The following KIAA0586 variants were observed in gnomAD, a reference collection of about 807,000 sequenced individuals.
KIAA0586 encodes KIAA0586, also known as protein TALPID3.
A neutral mutation model predicts 169.8 loss-of-function variants in KIAA0586; 144 were observed. That is an observed-to-expected ratio of 0.85 (90% CI 0.74 to 0.97). KIAA0586 has a LOEUF of 0.97. Among genes scored for constraint, KIAA0586 ranks in the 50% least tolerant of loss-of-function variants. The pLI, the probability that KIAA0586 is intolerant of heterozygous loss-of-function variation, is 0.00. For missense variants in KIAA0586, 1,854 were observed against 1,823.0 expected, an observed-to-expected ratio of 1.02 and a Z score of -0.31; for synonymous variants, 625 against 612.4, an observed-to-expected ratio of 1.02 and a Z score of -0.30.
chr14:58,554,216 T>C (rs1384104097), downstream of KIAA0586, among the ~76,000 whole-genome samples: 1 of 152,080 alleles, frequency 6.6e-6, no homozygotes, highest in African/African-American at 2.4e-5. Context: ...CTAAGTCATA[T>C]GTCCAAGCCC....
intron 28 of KIAA0586, 149 bp from the exon 29 acceptor site, chr14:58,512,373 T>C: frequency 3.8e-6 from 2 of 525,590 alleles, no homozygotes; most frequent in Non-Finnish European, 6.7e-6. Flanking sequence ...TATTTATTGG[T>C]AGAAGTGCGA....
intron 29 of KIAA0586, among the ~76,000 whole-genome samples, chr14:58,519,300 G>T (rs1017384795): frequency 3.9e-5 from 6 of 152,084 alleles, no homozygotes; most frequent in Non-Finnish European, 8.8e-5. Flanking sequence ...TGGAGAGCAG[G>T]GGTATGATAG....
chr14:58,561,550 A>G, the KIAA0586 span, among the ~76,000 whole-genome samples: 1 of 152,208 alleles, frequency 6.6e-6, no homozygotes, highest in Non-Finnish European at 1.5e-5. Context: ...CTTTATTAAC[A>G]TACTTTCTTT....
downstream of KIAA0586, among the ~76,000 whole-genome samples, chr14:58,553,552 AT>A (rs1253979053): frequency 8.3e-6 from 1 of 120,276 alleles, no homozygotes; most frequent in Non-Finnish European, 1.7e-5. Flanking sequence ...TTTTTTTTTC[AT>A]TGTCTTGGGT....
At chr14:58,486,399 T>C (rs1820073654) in intron 21 of KIAA0586, among the ~76,000 whole-genome samples, 1 of 152,176 alleles carries the variant, frequency 6.6e-6, no homozygotes, top group African/African-American at 2.4e-5. Context: ...TTGTGAATAG[T>C]GTGGCAATGA....
At chr14:58,449,860 A>G (rs2039209972) in intron 7 of KIAA0586, among the ~76,000 whole-genome samples, 1 of 152,212 alleles carries the variant, frequency 6.6e-6, no homozygotes, top group East Asian at 1.9e-4. Context: ...GTATATATAA[A>G]TTACAGTAAC....
chr14:58,523,009 G>A (rs2045331516), intron 29 of KIAA0586, among the ~76,000 whole-genome samples: 1 of 151,978 alleles, frequency 6.6e-6, no homozygotes, highest in African/African-American at 2.4e-5. Flanking sequence ...TTTTATTTAA[G>A]AGGTAGAATA....
chr14:58,499,558 A>G (rs1368039897), intron 27 of KIAA0586, among the ~76,000 whole-genome samples: 1 of 136,480 alleles, frequency 7.3e-6, no homozygotes, highest in African/African-American at 2.8e-5. Flanking sequence ...AGCCTATTTT[A>G]TTTTATTTTA....
At chr14:58,531,986 G>A (rs1417468277) in intron 29 of KIAA0586, among the ~76,000 whole-genome samples, 4 of 151,882 alleles carry the variant, frequency 2.6e-5, no homozygotes, top group Admixed American at 6.6e-5. Context: ...GTTGAACAAT[G>A]AGAACACTTG....
chr14:58,429,104 G>A (rs2037136725), intron 1 of KIAA0586, among the ~76,000 whole-genome samples: 1 of 152,172 alleles, frequency 6.6e-6, no homozygotes, highest in African/African-American at 2.4e-5. Flanking sequence ...ACATCCAATA[G>A]TGTATGGTTA....
intron 9 of KIAA0586, among the ~76,000 whole-genome samples, chr14:58,453,760 G>T (rs1381825597): frequency 1.3e-5 from 2 of 152,000 alleles, no homozygotes; most frequent in Non-Finnish European, 2.9e-5. Flanking sequence ...GATAGGTTAG[G>T]GGCAAGTAAG....
intron 15 of KIAA0586, 63 bp downstream of exon 15, chr14:58,466,092 G>A (rs899746845): frequency 1.6e-6 from 2 of 1,261,222 alleles, no homozygotes; most frequent in Non-Finnish European, 2.2e-6. Context: ...TTGTTTGTGT[G>A]TTTATTAGAG....
At position 58,482,813 on chromosome 14, in the gene KIAA0586, A is replaced by G. The variant is rs2042129054; in HGVS notation, c.3144+101A>G. 8.3e-6 allele frequency: 7 copies of G among 838,438 alleles called. No homozygotes were observed. In the South Asian group the frequency reaches 1.8e-4, roughly 22 times the overall value. 51.9% of individuals were successfully genotyped at this position (838,438 alleles called of 1,614,324 possible). ...TGTTTGTGGTAGAAGTATTATTATC[A>G]TTTTTAGAGACATGGTCTTTATTTA... On this transcript the variant is annotated intron_variant, in intron 21 of 30. Transcript: ENST00000652326.
chr14:58,446,868 C>T (rs554450202), intron 6 of KIAA0586, among the ~76,000 whole-genome samples: 1 of 152,114 alleles, frequency 6.6e-6, no homozygotes, highest in East Asian at 1.9e-4. Context: ...TTATAGATAA[C>T]TTTACTTCTT....
intron 30 of KIAA0586, chr14:58,543,970 A>AT (rs1158519123): frequency 2.2e-6 from 1 of 455,534 alleles, no homozygotes; most frequent in Non-Finnish European, 4.4e-6. Flanking sequence ...TCACCCAGGT[A>AT]TTAAGCCTAG....
Position 58,481,774 on chromosome 14 carries a change from A to G in KIAA0586, c.2945-739A>G, listed in dbSNP as rs1448524756. Reference sequence around the variant, plus strand: ...TTTATTCCTCTTTCCACCCTCCCCCACCCACCCCCATACACGTATATTGGC... The same window carrying G: ...TTTATTCCTCTTTCCACCCTCCCCCGCCCACCCCCATACACGTATATTGGC... On this transcript the variant is annotated intron_variant, in intron 20 of 30. Transcript: ENST00000652326. Among the ~76,000 whole-genome samples, 4 of 55,056 alleles carry G rather than the reference A, an allele frequency of 7.3e-5. 1 individual carries two copies. The highest frequency in any genetic ancestry group is 1.5e-3 in the South Asian group (2 of 1,372). The allele number at this position is 55,056 out of a possible 152,430, so 36.1% of individuals were successfully genotyped here.
chr14:58,490,272 T>G, intron 25 of KIAA0586, 32 bp downstream of exon 25: 1 of 1,226,504 alleles, frequency 8.2e-7, no homozygotes, highest in Non-Finnish European at 1.1e-6. Flanking sequence ...CACTGAATTC[T>G]GACAGGAAGA....
chr14:58,512,983 T>A (rs139806104), intron 29 of KIAA0586, among the ~76,000 whole-genome samples: 2 of 152,218 alleles, frequency 1.3e-5, no homozygotes, highest in Non-Finnish European at 2.9e-5. Context: ...TTTAATATGC[T>A]TTGTAAAGCA....
chr14:58,521,589 G>C lies in KIAA0586; in HGVS notation c.4429+8962G>C, dbSNP rs374762122. On this transcript the variant is annotated intron_variant, in intron 29 of 30. Transcript: ENST00000652326. The stretch of plus-strand genomic sequence containing the variant: ...CAGGAAACATGAAGGGGAAAAAGTG[G>C]CTTCAATTCTAAGAGAGGACAGCGG... The C allele has an allele frequency of 7.0e-6, 7 of 1,000,302 alleles. 1 individual carries two copies. The highest frequency in any genetic ancestry group is 2.6e-5 in the East Asian group (1 of 38,720). The allele number at this position is 1,000,302 out of a possible 1,614,324, so 62.0% of individuals were successfully genotyped here.
Sources: allele counts gnomAD v4.1 joint callset (sites outside exome capture counted in the v4.1 genomes callset), GRCh38; gene constraint gnomAD v4.1.1; transcripts MANE v1.5; gene names NCBI Gene and HGNC (gene_info 2026-07-23, HGNC 2026-07-21).